MGAT4C: variants seen among roughly 807,000 people sequenced by gnomAD.
The protein encoded by MGAT4C is alpha-1,3-mannosyl-glycoprotein 4-beta-N-acetylglucosaminyltransferase C.
MGAT4C carries 19 observed loss-of-function variants against 40.1 expected under a neutral mutation model. The observed-to-expected ratio is 0.47, with a 90% CI of 0.33 to 0.70. The LOEUF is 0.70. MGAT4C is among the 30% of genes least tolerant of loss of function. The probability of loss-of-function intolerance (pLI) is 0.02; values close to 1 mark genes in which losing one functional copy is unlikely to be tolerated. For synonymous variants in MGAT4C, 181 were observed against 187.1 expected (o/e 0.97, Z 0.27); for missense variants, 491 against 563.2 (o/e 0.87, Z 1.30).
chr12:86,332,432 A>G (rs1039813084), intron 4 of MGAT4C, among the ~76,000 whole-genome samples: 3 of 151,588 alleles, frequency 2.0e-5, no homozygotes, highest in African/African-American at 4.9e-5. Context: ...AAAAAAAAGA[A>G]AAAAAAAGCC....
At chr12:86,574,359 C>A (rs1407395750) in intron 2 of MGAT4C, among the ~76,000 whole-genome samples, 1 of 151,736 alleles carries the variant, frequency 6.6e-6, no homozygotes, top group African/African-American at 2.4e-5. Flanking sequence ...GCAGTGTCAG[C>A]ACCTGACATA....
chr12:86,548,465 C>A lies in MGAT4C; in HGVS notation c.-228-113200G>T, dbSNP rs551322840. The stretch of plus-strand genomic sequence containing the variant: ...TTCTCACAATTCCCTTTAGTTAATC[C>A]CCAATTCCCAATTTGCTTTAGCAAA... On this transcript the variant is annotated intron_variant, in intron 2 of 7. Transcript: ENST00000548651. 3.0e-3 allele frequency among the ~76,000 whole-genome samples: 452 copies of A among 152,118 alleles called. 2 individuals are homozygous for A. Among genetic ancestry groups the A allele is most frequent in the African/African-American group, 0.01 (431 of 41,500 alleles).
intron 2 of MGAT4C, among the ~76,000 whole-genome samples, chr12:86,684,140 C>T (rs1053019315): frequency 6.6e-6 from 1 of 152,098 alleles, no homozygotes; most frequent in Non-Finnish European, 1.5e-5. Context: ...CTTTGGGAGG[C>T]CGAGGCGGGC....
intron 2 of MGAT4C, among the ~76,000 whole-genome samples, chr12:86,493,643 G>C (rs951604579): frequency 1.3e-5 from 2 of 149,668 alleles, no homozygotes; most frequent in Non-Finnish European, 3.0e-5. Flanking sequence ...TCTGGGGACT[G>C]TCGTGGGGTG....
At chr12:86,126,293 A>G (rs1459815926) in intron 1 of MGAT4C, among the ~76,000 whole-genome samples, 2 of 152,038 alleles carry the variant, frequency 1.3e-5, no homozygotes, top group South Asian at 4.1e-4. Flanking sequence ...ATTATAAGCC[A>G]TTAGAGCACA....
intron 2 of MGAT4C, among the ~76,000 whole-genome samples, chr12:86,476,210 T>G (rs1957833347): frequency 6.6e-6 from 1 of 152,074 alleles, no homozygotes; most frequent in Non-Finnish European, 1.5e-5. Context: ...GTTTAATATC[T>G]AGAATCTATA....
At chr12:86,589,319 C>T (rs1365665001) in intron 2 of MGAT4C, among the ~76,000 whole-genome samples, 2 of 151,914 alleles carry the variant, frequency 1.3e-5, no homozygotes, top group Non-Finnish European at 2.9e-5. Context: ...TGGATAAATT[C>T]CTTGACACAT....
At chr12:86,032,064 T>C (rs531557370) in intron 2 of MGAT4C, among the ~76,000 whole-genome samples, 21 of 151,884 alleles carry the variant, frequency 1.4e-4, no homozygotes, top group Non-Finnish European at 2.8e-4. Context: ...ATGGCCTCCA[T>C]CTCCATCTGT....
At position 85,964,133 on chromosome 12, in the gene MGAT4C, T is replaced by C. The variant is rs778153098; in HGVS notation, c.*15156A>G. 1 of 152,056 alleles carries C rather than the reference T, an allele frequency of 6.6e-6. No homozygotes were observed. Among genetic ancestry groups the C allele is most frequent in the Non-Finnish European group, 1.5e-5 (1 of 67,952 alleles). 9.4% of individuals were successfully genotyped at this position (152,056 alleles called of 1,614,324 possible). A position where few individuals can be genotyped will look rare whatever the true frequency, so the allele number is the denominator to read the frequency against. On this transcript the variant is annotated 3_prime_UTR_variant, in exon 5 of 5. Coordinates refer to ENST00000611864, the MANE Select transcript of MGAT4C (RefSeq NM_001351288.2). ...ACCCAACATCAGGATTTATCAAATA[T>C]ATGAAAAATTATGAAAGATTATAAA...
chr12:86,750,792 C>A (rs755587684), intron 1 of MGAT4C, among the ~76,000 whole-genome samples: 1 of 151,774 alleles, frequency 6.6e-6, no homozygotes, highest in Non-Finnish European at 1.5e-5. Context: ...TTTATTTTAC[C>A]AACTCTAGTC....
At chr12:86,268,685 A>G (rs1216087457) in intron 4 of MGAT4C, among the ~76,000 whole-genome samples, 1 of 147,194 alleles carries the variant, frequency 6.8e-6, no homozygotes, top group African/African-American at 2.5e-5. Context: ...ATATACATAT[A>G]TACATATATA....
intron 2 of MGAT4C, among the ~76,000 whole-genome samples, chr12:86,673,908 G>T (rs752646977): frequency 1.3e-5 from 2 of 151,816 alleles, no homozygotes; most frequent in Non-Finnish European, 2.9e-5. Context: ...CAATTGAAAG[G>T]TTACTCTTCA....
chr12:86,181,282 T>C (rs529149055), intron 1 of MGAT4C, among the ~76,000 whole-genome samples: 1 of 152,158 alleles, frequency 6.6e-6, no homozygotes, highest in African/African-American at 2.4e-5. Flanking sequence ...TTTAGCAGCA[T>C]GAAAAAAAAC....
intron 1 of MGAT4C, among the ~76,000 whole-genome samples, chr12:86,053,770 A>G (rs1893119495): frequency 6.6e-6 from 1 of 152,008 alleles, no homozygotes; most frequent in East Asian, 1.9e-4. Flanking sequence ...GGCCAAGTAC[A>G]GGAATAAACA....
At chr12:86,137,479 T>C (rs1054962942) in intron 1 of MGAT4C, among the ~76,000 whole-genome samples, 1 of 152,198 alleles carries the variant, frequency 6.6e-6, no homozygotes, top group Non-Finnish European at 1.5e-5. Flanking sequence ...TGACTGTTAT[T>C]GCCTAAAGTC....
At chr12:86,581,265 C>A (rs1315297689) in intron 2 of MGAT4C, among the ~76,000 whole-genome samples, 1 of 151,366 alleles carries the variant, frequency 6.6e-6, no homozygotes, top group Non-Finnish European at 1.5e-5. Flanking sequence ...TGTTGAGAGA[C>A]AGTTTTGATA....
intron 1 of MGAT4C, among the ~76,000 whole-genome samples, chr12:86,176,614 TAATA>T (rs1887466935): frequency 6.6e-6 from 1 of 151,838 alleles, no homozygotes; most frequent in South Asian, 2.1e-4. Context: ...ATATTAAAAA[TAATA>T]AATAAAAATA....
At chr12:86,756,952 A>T (rs551291831) in intron 1 of MGAT4C, among the ~76,000 whole-genome samples, 3 of 152,272 alleles carry the variant, frequency 2.0e-5, no homozygotes, top group Non-Finnish European at 4.4e-5. Context: ...TCTCAAATCA[A>T]ATTAAATTAC....
chr12:86,592,570 C>T (rs1356773158), intron 2 of MGAT4C, among the ~76,000 whole-genome samples: 1 of 152,150 alleles, frequency 6.6e-6, no homozygotes, highest in Non-Finnish European at 1.5e-5. Context: ...ATGCGAGGCA[C>T]ATGCCCAATT....
Sources: allele counts gnomAD v4.1 joint callset (sites outside exome capture counted in the v4.1 genomes callset), GRCh38; gene constraint gnomAD v4.1.1; transcripts MANE v1.5; gene names NCBI Gene and HGNC (gene_info 2026-07-23, HGNC 2026-07-21).